SIGLEC6: variants seen among roughly 807,000 people sequenced by gnomAD.
The protein encoded by SIGLEC6 is sialic acid-binding Ig-like lectin 6.
In SIGLEC6, 31 loss-of-function variants were observed where a neutral mutation model predicts 41.4. The ratio of observed to expected loss-of-function variants is 0.75; its 90% CI spans 0.56 to 1.01. The LOEUF is 1.01. SIGLEC6 is among the 50% of genes least tolerant of loss of function. SIGLEC6 has a pLI of 0.00. For missense variants in SIGLEC6, 555 were observed against 558.6 expected, an observed-to-expected ratio of 0.99 and a Z score of 0.06; for synonymous variants, 217 against 231.0, an observed-to-expected ratio of 0.94 and a Z score of 0.55.
intron 7 of SIGLEC6, among the ~76,000 whole-genome samples, chr19:51,520,541 C>T (rs1159487635): frequency 2.0e-5 from 3 of 151,898 alleles, no homozygotes; most frequent in Non-Finnish European, 2.9e-5. Flanking sequence ...GGCATGCACC[C>T]CACCTGGCTA....
intron 5 of SIGLEC6, among the ~76,000 whole-genome samples, chr19:51,528,913 G>A (rs1979695046): frequency 6.6e-6 from 1 of 150,568 alleles, no homozygotes; most frequent in African/African-American, 2.5e-5. Context: ...CCCGGGAGGT[G>A]GAGGTTGCAT....
intron 7 of SIGLEC6, among the ~76,000 whole-genome samples, chr19:51,520,879 A>G (rs1333759163): frequency 6.6e-6 from 1 of 152,188 alleles, no homozygotes. Flanking sequence ...ACCACTGAGA[A>G]GGACTCAGAA....
intron 6 of SIGLEC6, 45 bp from the exon 7 acceptor site, chr19:51,527,873 T>G (rs1271378329): frequency 2.5e-6 from 4 of 1,581,680 alleles, no homozygotes; most frequent in Non-Finnish European, 3.5e-6. Flanking sequence ...ATTTGGAGCC[T>G]CTTTCCCCAA....
rs1280135508 is a variant in SIGLEC6 at position 51,527,764 on chromosome 19, T to C, written c.1171A>G (p.Met391Val). Reference sequence around the variant, plus strand: ...TCACTCACCCTGGAGCCTGAGACCATGACGGGGTTCACATCATCCGTGTTT... The same window carrying C: ...TCACTCACCCTGGAGCCTGAGACCACGACGGGGTTCACATCATCCGTGTTT... Reference protein sequence around the residue: ...VQNTDDVNPVMVSGSRGHQHQ... With the variant: ...VQNTDDVNPVVVSGSRGHQHQ... Residue 391 changes from methionine to valine, a missense_variant, in exon 7 of 8, where the codon ATG becomes GTG. Transcript: ENST00000425629. 1 of 1,614,046 alleles carries C rather than the reference T, an allele frequency of 6.2e-7. No homozygotes were observed. Among genetic ancestry groups the C allele is most frequent in the South Asian group, 1.1e-5 (1 of 91,072 alleles).
chr19:51,528,086 T>G, intron 6 of SIGLEC6, 74 bp downstream of exon 6: 1 of 1,386,826 alleles, frequency 7.2e-7, no homozygotes, highest in South Asian at 1.2e-5. Flanking sequence ...TCCACTCAGG[T>G]TTTCTGAGAT....
rs766274353 is a variant in SIGLEC6 at position 51,517,857 on chromosome 19, A to G, written c.*2225T>C. 6.6e-6 allele frequency among the ~76,000 whole-genome samples: 1 copy of G among 152,194 alleles called. No individual in the cohort carries two copies. Among genetic ancestry groups the G allele is most frequent in the Non-Finnish European group, 1.5e-5 (1 of 68,032 alleles). ...AACATTTAATTTTCTCTGGAAAAATATAAAGACTTTATGTAATATAAATTC... is the reference window on the plus strand; with the variant it reads ...AACATTTAATTTTCTCTGGAAAAATGTAAAGACTTTATGTAATATAAATTC... On this transcript the variant is annotated 3_prime_UTR_variant, in exon 8 of 8. Coordinates refer to ENST00000425629, the MANE Select transcript of SIGLEC6 (RefSeq NM_001245.7).
chr19:51,529,662 C>T, intron 5 of SIGLEC6, 62 bp downstream of exon 5: 1 of 1,603,840 alleles, frequency 6.2e-7, no homozygotes. Context: ...GGCCTCTTCT[C>T]TGAATACTAT....
At chr19:51,527,123 A>T (rs1371596712) in intron 7 of SIGLEC6, among the ~76,000 whole-genome samples, 1 of 152,202 alleles carries the variant, frequency 6.6e-6, no homozygotes, top group East Asian at 1.9e-4. Context: ...AACGTATTGG[A>T]GGATATTGTC....
intron 7 of SIGLEC6, 99 bp downstream of exon 7, chr19:51,527,648 G>T: frequency 1.1e-6 from 1 of 925,032 alleles, no homozygotes; most frequent in Non-Finnish European, 1.7e-6. Context: ...GAACCGCAGG[G>T]AATGTCAGGT....
In SIGLEC6 at chr19:51,520,100, T is replaced by G. The variant is rs1362107916; in HGVS notation, c.1344A>C (p.Glu448Asp). Residue 448 changes from glutamate (E) to aspartate (D), a missense_variant, in exon 8 of 8, where the codon GAA becomes GAC. Transcript: ENST00000425629. ...CAATTCCTCACTTGTGTATCTTGAT[T>G]TCTGAGTACTCAGTGTCGGTGACCT... ...EPKVTDTEYS[E>D]IKIHK 1.3e-6 allele frequency: 2 copies of G among 1,573,566 alleles called. No individual in the cohort carries two copies. The highest frequency in any genetic ancestry group is 2.3e-5 in the South Asian group (2 of 86,596).
At chr19:51,522,254 A>G (rs913241613) in intron 7 of SIGLEC6, among the ~76,000 whole-genome samples, 2 of 152,268 alleles carry the variant, frequency 1.3e-5, no homozygotes, top group African/African-American at 2.4e-5. Context: ...AATGGTCAAG[A>G]CAATCCACTA....
chr19:51,520,315 A>G, intron 7 of SIGLEC6, 60 bp from the exon 8 acceptor site: 2 of 1,182,060 alleles, frequency 1.7e-6, no homozygotes, highest in Non-Finnish European at 2.3e-6. Context: ...GAAAGCAGCC[A>G]AGGATCAGAA....
intron 3 of SIGLEC6, 95 bp from the exon 4 acceptor site, chr19:51,530,579 C>T (rs1980102036): frequency 1.2e-6 from 2 of 1,604,184 alleles, no homozygotes; most frequent in Non-Finnish European, 1.7e-6. Flanking sequence ...GGGAAAGGGG[C>T]TCTCCTCTTT....
In SIGLEC6 at chr19:51,529,746, G is replaced by C; in HGVS notation, c.990C>G (p.Ile330Met). The change falls in exon 5 of 8, where the codon ATC becomes ATG. Residue 330 changes from isoleucine to methionine, a missense_variant. Physicochemically the swap from Ile to Met is conservative, Grantham distance 10 (BLOSUM62 1). Coordinates refer to ENST00000425629, the MANE Select transcript of SIGLEC6 (RefSeq NM_001245.7). Reference protein sequence around the residue: ...RAQHPLGSLQISLSLFVHWKP... With the variant: ...RAQHPLGSLQMSLSLFVHWKP... ...CACAATGCACAAAGAGACTCAGAGA[G>C]ATTTGCAGGGAGCCCAGAGGATGCT... 1.2e-6 allele frequency: 2 copies of C among 1,614,188 alleles called. No homozygotes were observed. The highest frequency in any genetic ancestry group is 1.7e-6 in the Non-Finnish European group (2 of 1,180,024).
chr19:51,524,702 T>C (rs1385415109), intron 7 of SIGLEC6, among the ~76,000 whole-genome samples: 1 of 152,130 alleles, frequency 6.6e-6, no homozygotes, highest in Non-Finnish European at 1.5e-5. Context: ...AAATCGACTA[T>C]GGAGTGTGCG....
chr19:51,518,394 C>T lies in SIGLEC6; in HGVS notation c.*1688G>A, dbSNP rs1455492252. ...TCGCTCTGTTGCCCAGGCTGGAGTG[C>T]AGTGATGCAATCTCAGCTCACTTCA... On this transcript the variant is annotated 3_prime_UTR_variant, in exon 8 of 8. Coordinates refer to ENST00000425629, the MANE Select transcript of SIGLEC6 (RefSeq NM_001245.7). 6.6e-6 allele frequency among the ~76,000 whole-genome samples: 1 copy of T among 152,166 alleles called. No homozygotes were observed. The highest frequency in any genetic ancestry group is 2.4e-5 in the African/African-American group (1 of 41,428).
In SIGLEC6 at chr19:51,531,468, G is replaced by A. The variant is rs367569452; in HGVS notation, c.119C>T (p.Thr40Met). The change falls in exon 2 of 8, where the codon ACG becomes ATG. Residue 40 changes from threonine (T) to methionine (M), a missense_variant. Transcript: ENST00000425629. ...GAGGACGCACAGACCCTCCTGCACC[G>A]TCAGTGACTCTGGCCCCTCCAGCTG... is the stretch of plus-strand genomic sequence containing the variant. ...RFQLEGPESL[T>M]VQEGLCVLVP... 15 of 1,613,992 alleles carry A rather than the reference G, an allele frequency of 9.3e-6. No individual in the cohort carries two copies. Among genetic ancestry groups the A allele is most frequent in the East Asian group, 4.5e-5 (2 of 44,874 alleles).
intron 5 of SIGLEC6, among the ~76,000 whole-genome samples, chr19:51,529,097 TC>T (rs1424378492): frequency 6.6e-6 from 1 of 151,340 alleles, no homozygotes; most frequent in Non-Finnish European, 1.5e-5. Flanking sequence ...AGGCAATGCT[TC>T]TTTAAGCCTA....
rs568821134 is a variant in SIGLEC6 at position 51,519,823 on chromosome 19, A to G, written c.*259T>C. ...GTCTTTATAAGAAGAGAAGATTAGG[A>G]CACAAACACACTCAGAGGAAAGACC... On this transcript the variant is annotated 3_prime_UTR_variant, in exon 8 of 8. Coordinates refer to ENST00000425629, the MANE Select transcript of SIGLEC6 (RefSeq NM_001245.7). 2.5e-4 allele frequency: 58 copies of G among 235,436 alleles called. No homozygotes were observed. Among genetic ancestry groups the G allele is most frequent in the Non-Finnish European group, 4.3e-4 (52 of 122,174 alleles). The allele number at this position is 235,436 out of a possible 1,614,324, so 14.6% of individuals were successfully genotyped here. A position where few individuals can be genotyped will look rare whatever the true frequency, so the allele number is the denominator to read the frequency against.
Sources: allele counts gnomAD v4.1 joint callset (sites outside exome capture counted in the v4.1 genomes callset), GRCh38; gene constraint gnomAD v4.1.1; transcripts MANE v1.5; gene names NCBI Gene and HGNC (gene_info 2026-07-23, HGNC 2026-07-21).